The following KSR1 variants were observed in gnomAD, a reference collection of about 807,000 sequenced individuals.
The protein encoded by KSR1 is kinase suppressor of ras 1.
KSR1 carries 35 observed loss-of-function variants against 92.9 expected under a neutral mutation model. The ratio of observed to expected loss-of-function variants is 0.38; its 90% CI spans 0.29 to 0.50. The LOEUF is 0.50. Among genes scored for constraint, KSR1 ranks in the 20% least tolerant of loss-of-function variants. The pLI is 0.94. For missense variants in KSR1, 972 were observed against 1,158.5 expected (o/e 0.84, Z 2.34); for synonymous variants, 467 against 472.6 (o/e 0.99, Z 0.15).
At chr17:27,537,245 G>A (rs1395425238) in intron 1 of KSR1, among the ~76,000 whole-genome samples, 1 of 152,196 alleles carries the variant, frequency 6.6e-6, no homozygotes, top group Non-Finnish European at 1.5e-5. Context: ...CATATCTCCA[G>A]CTCGTGGCAA....
rs1373297518 is a variant in KSR1, at chr17:27,604,669, T to C, written c.1566-11T>C. Reference sequence around the variant, plus strand: ...CTCAAGGTCTCCTTGACAAACCTTGTTTACTCTTAGGCTCGATGACCAGCC... The same window carrying C: ...CTCAAGGTCTCCTTGACAAACCTTGCTTACTCTTAGGCTCGATGACCAGCC... On this transcript the variant is annotated splice_polypyrimidine_tract_variant and intron_variant, in intron 12 of 20. Coordinates refer to ENST00000644974, the MANE Select transcript of KSR1 (RefSeq NM_001394583.1). 6.2e-7 allele frequency: 1 copy of C among 1,613,930 alleles called. No individual in the cohort carries two copies. The highest frequency in any genetic ancestry group is 8.5e-7 in the Non-Finnish European group (1 of 1,179,820).
intron 1 of KSR1, among the ~76,000 whole-genome samples, chr17:27,539,471 G>A (rs538502386): frequency 2.8e-4 from 43 of 152,298 alleles, no homozygotes; most frequent in South Asian, 6.2e-4. Flanking sequence ...CCTAGCCCTC[G>A]GTCAGGTGTC....
chr17:27,620,723 G>A (rs759989238), intron 19 of KSR1, among the ~76,000 whole-genome samples: 9 of 152,300 alleles, frequency 5.9e-5, no homozygotes, highest in East Asian at 1.9e-4. Context: ...TAATCAGACC[G>A]TGGGCAACTT....
At chr17:27,604,313 T>A (rs1184808572) in intron 12 of KSR1, among the ~76,000 whole-genome samples, 1 of 152,148 alleles carries the variant, frequency 6.6e-6, no homozygotes, top group Non-Finnish European at 1.5e-5. Flanking sequence ...AGAAATTACA[T>A]AAGGTCACAC....
rs1209559989 is a variant in KSR1, at chr17:27,626,338, A to G, written c.*2946A>G. ...ATTAAAATGGTTAGTATTAACAAAC[A>G]TGCTGTATCGGGTTTTTTTGCCACT... On this transcript the variant is annotated 3_prime_UTR_variant, in exon 21 of 21. Coordinates refer to ENST00000644974, the MANE Select transcript of KSR1 (RefSeq NM_001394583.1). The G allele has an allele frequency of 6.6e-6, 1 of 152,200 alleles. No homozygotes were observed. The allele number at this position is 152,200 out of a possible 1,614,324, so 9.4% of individuals were successfully genotyped here. A position where few individuals can be genotyped will look rare whatever the true frequency, so the allele number is the denominator to read the frequency against.
chr17:27,512,750 C>A (rs1028471145), intron 1 of KSR1, among the ~76,000 whole-genome samples: 2 of 152,192 alleles, frequency 1.3e-5, no homozygotes, highest in African/African-American at 4.8e-5. Context: ...GTATTGAGAA[C>A]CTACGGTAGG....
intron 2 of KSR1, among the ~76,000 whole-genome samples, chr17:27,555,404 T>G (rs2071553115): frequency 6.6e-6 from 1 of 152,248 alleles, no homozygotes; most frequent in Non-Finnish European, 1.5e-5. Context: ...AATCCAATAC[T>G]ACATGATTTA....
At chr17:27,609,433 C>T in intron 16 of KSR1, 104 bp downstream of exon 16, 2 of 1,446,914 alleles carry the variant, frequency 1.4e-6, no homozygotes, top group Non-Finnish European at 1.9e-6. Flanking sequence ...TGCAGCCCTC[C>T]CTGCAGGGAA....
intron 1 of KSR1, among the ~76,000 whole-genome samples, chr17:27,479,802 C>T (rs9899442): frequency 8.1e-4 from 124 of 152,222 alleles, no homozygotes; most frequent in African/African-American, 2.8e-3. Context: ...CATTCCTGAG[C>T]CATCTGCAGA....
chr17:27,487,303 C>T (rs142405572), intron 1 of KSR1, among the ~76,000 whole-genome samples: 129 of 152,008 alleles, frequency 8.5e-4, no homozygotes, highest in African/African-American at 3.0e-3. Context: ...GGTGTGATAG[C>T]GCACGTCTGT....
At chr17:27,587,815 C>A (rs1468411258) in intron 5 of KSR1, 4 of 152,398 alleles carry the variant, frequency 2.6e-5, no homozygotes, top group Admixed American at 2.6e-4. Flanking sequence ...CAGGGGCATC[C>A]CAAAGCGTAT....
chr17:27,517,464 A>G (rs963088133), intron 1 of KSR1, among the ~76,000 whole-genome samples: 1 of 151,936 alleles, frequency 6.6e-6, no homozygotes, highest in African/African-American at 2.4e-5. Context: ...CTAATTTTAT[A>G]CTTTTAGTAG....
chr17:27,606,818 A>C (rs888771571), intron 14 of KSR1, among the ~76,000 whole-genome samples: 3 of 152,046 alleles, frequency 2.0e-5, no homozygotes, highest in African/African-American at 7.2e-5. Flanking sequence ...TAGTTAATGA[A>C]AAACAAAACA....
chr17:27,620,612 G>A (rs180696264), intron 19 of KSR1, among the ~76,000 whole-genome samples: 12 of 152,302 alleles, frequency 7.9e-5, no homozygotes, highest in Admixed American at 6.5e-4. Flanking sequence ...GAAGAAGGTC[G>A]TCAGGGCTGG....
chr17:27,525,807 C>G (rs528901979), intron 1 of KSR1, among the ~76,000 whole-genome samples: 1 of 152,144 alleles, frequency 6.6e-6, no homozygotes, highest in Non-Finnish European at 1.5e-5. Context: ...CAAGGACACC[C>G]CGGGTAGTCT....
rs1382441102 is a variant in KSR1, at chr17:27,597,373, T to C, written c.1405T>C (p.Ser469Pro). The change falls in exon 10 of 21, where the codon TCC (serine) becomes CCC (proline). Residue 469 changes from serine to proline, a missense_variant. Ser to Pro is a moderately conservative substitution (Grantham distance 74). Around this residue, in one of 5 missense-constraint regions of KSR1, gnomAD observed 611 missense variants for 668.0 expected, o/e 0.91. Transcript: ENST00000644974. ...GCCCTTCCCGACATCATCCAACCCA[T>C]CCAGCGCCACCACGCCCCCCAACCC... is the stretch of plus-strand genomic sequence containing the variant. ...PAPFPTSSNP[S>P]SATTPPNPSP... 2 of 1,613,668 alleles carry C rather than the reference T, an allele frequency of 1.2e-6. No individual in the cohort carries two copies. Among genetic ancestry groups the C allele is most frequent in the Non-Finnish European group, 8.5e-7 (1 of 1,179,774 alleles).
At chr17:27,580,315 G>A (rs966399952) in intron 3 of KSR1, among the ~76,000 whole-genome samples, 6 of 152,180 alleles carry the variant, frequency 3.9e-5, no homozygotes, top group East Asian at 1.9e-4. Context: ...AGGAGCAAGC[G>A]GTATGGGAGC....
chr17:27,546,414 T>C (rs990921696), intron 1 of KSR1, among the ~76,000 whole-genome samples: 1 of 152,202 alleles, frequency 6.6e-6, no homozygotes, highest in African/African-American at 2.4e-5. Context: ...CAGTGCAGCC[T>C]AGTATATGGT....
intron 1 of KSR1, among the ~76,000 whole-genome samples, chr17:27,491,472 G>A (rs183476712): frequency 5.3e-4 from 81 of 152,070 alleles, no homozygotes; most frequent in South Asian, 2.1e-3. Context: ...TTACAGGCAC[G>A]AGCCACTGTG....
Sources: allele counts gnomAD v4.1 joint callset (sites outside exome capture counted in the v4.1 genomes callset), GRCh38; gene constraint gnomAD v4.1.1; regional missense constraint gnomAD v4.1.1; transcripts MANE v1.5; gene names NCBI Gene and HGNC (gene_info 2026-07-23, HGNC 2026-07-21).